Variants in NINJ2 observed in about 807,000 individuals in gnomAD.
The protein encoded by NINJ2 is ninjurin-2.
Under a neutral mutation model 11.7 loss-of-function variants are expected in NINJ2, and 12 were observed. That is an observed-to-expected ratio of 1.02 (90% CI 0.66 to 1.66). The LOEUF (loss-of-function observed/expected upper bound fraction) is 1.66, where lower values mean the gene tolerates loss of function less well. NINJ2 is among the 40% of genes most tolerant of loss of function. NINJ2 has a pLI of 0.00. For synonymous variants in NINJ2, 93 were observed against 76.8 expected, an observed-to-expected ratio of 1.21 and a Z score of -1.10; for missense variants, 187 against 181.8, an observed-to-expected ratio of 1.03 and a Z score of -0.16.
chr12:639,435 G>A (rs1473699316), intron 1 of NINJ2, among the ~76,000 whole-genome samples: 2 of 152,166 alleles, frequency 1.3e-5, no homozygotes, highest in Non-Finnish European at 2.9e-5. Flanking sequence ...AGCCTGGACA[G>A]TCTAGCTCAG....
chr12:574,814 A>G (rs1414543645), intron 1 of NINJ2, among the ~76,000 whole-genome samples: 1 of 152,268 alleles, frequency 6.6e-6, no homozygotes, highest in Non-Finnish European at 1.5e-5. Flanking sequence ...TGTTAAAACA[A>G]AAGTGAATTT....
chr12:608,335 A>G (rs11063848), intron 1 of NINJ2, among the ~76,000 whole-genome samples: 36,674 of 152,164 alleles, frequency 0.24, 4,615 homozygotes, highest in Middle Eastern at 0.34. Context: ...CCACCACTAC[A>G]GCAATAAAAG....
chr12:577,816 C>G (rs1160463911), intron 1 of NINJ2, among the ~76,000 whole-genome samples: 1 of 152,010 alleles, frequency 6.6e-6, no homozygotes, highest in Non-Finnish European at 1.5e-5. Context: ...CTCAGCCTCC[C>G]AAACTGTTGG....
intron 1 of NINJ2, among the ~76,000 whole-genome samples, chr12:607,598 G>A (rs1947957008): frequency 6.6e-6 from 1 of 152,202 alleles, no homozygotes; most frequent in Non-Finnish European, 1.5e-5. Flanking sequence ...CCCTTCTCAG[G>A]TGTGGCCATT....
chr12:608,748 G>C (rs1947973323), intron 1 of NINJ2, among the ~76,000 whole-genome samples: 1 of 152,188 alleles, frequency 6.6e-6, no homozygotes, highest in African/African-American at 2.4e-5. Flanking sequence ...TGCAAGAGCT[G>C]AGGTGTCAGA....
chr12:605,986 A>G (rs1232094174), intron 1 of NINJ2, among the ~76,000 whole-genome samples: 4 of 152,220 alleles, frequency 2.6e-5, no homozygotes, highest in Non-Finnish European at 4.4e-5. Flanking sequence ...ACATCTGCAG[A>G]GAAAAAAGAG....
intron 1 of NINJ2, chr12:645,804 C>G (rs1399707716): frequency 6.6e-6 from 1 of 152,238 alleles, no homozygotes; most frequent in African/African-American, 2.4e-5. Context: ...CGTTTTCCAG[C>G]CTCCCTCATA....
At chr12:645,635 T>C (rs1420512138) in intron 1 of NINJ2, 1 of 152,180 alleles carries the variant, frequency 6.6e-6, no homozygotes, top group Non-Finnish European at 1.5e-5. Context: ...TGCTTGCACT[T>C]CTGTCCATGC....
At chr12:613,232 G>A (rs544794077) in intron 1 of NINJ2, among the ~76,000 whole-genome samples, 31 of 152,236 alleles carry the variant, frequency 2.0e-4, no homozygotes, top group African/African-American at 6.5e-4. Context: ...GCATATCTGC[G>A]GCTCCTAAGA....
chr12:579,218 C>T (rs1238114652), intron 1 of NINJ2, among the ~76,000 whole-genome samples: 1 of 152,152 alleles, frequency 6.6e-6, no homozygotes, highest in Non-Finnish European at 1.5e-5. Flanking sequence ...CAGGTGAGAC[C>T]TCATGAAGTA....
intron 1 of NINJ2, among the ~76,000 whole-genome samples, chr12:655,732 G>A (rs1937864020): frequency 6.6e-6 from 1 of 151,914 alleles, no homozygotes; most frequent in Non-Finnish European, 1.5e-5. Context: ...GGTCAACATG[G>A]TGAAACCCTG....
chr12:572,544 A>G (rs2120800891), intron 1 of NINJ2, among the ~76,000 whole-genome samples: 1 of 152,368 alleles, frequency 6.6e-6, no homozygotes, highest in East Asian at 1.9e-4. Context: ...ATTCGGTATC[A>G]GTCCTCTTGT....
Position 611,283 on chromosome 12 carries a change from T to C in NINJ2, c.34-45105A>G, listed in dbSNP as rs866704034. 1.8e-3 allele frequency among the ~76,000 whole-genome samples: 278 copies of C among 150,310 alleles called. 2 individuals are homozygous for C. The highest frequency in any genetic ancestry group is 2.8e-3 in the Non-Finnish European group (188 of 67,582). On this transcript the variant is annotated intron_variant, in intron 1 of 3. Coordinates refer to ENST00000305108, the MANE Select transcript of NINJ2 (RefSeq NM_016533.6). The stretch of plus-strand genomic sequence containing the variant: ...TTTCTTTCTTTCTTTCTCTCTCTCT[T>C]TCTTTCTCTTCCTTCCTTCCTTTCT...
At chr12:575,345 G>T (rs1220854589) in intron 1 of NINJ2, among the ~76,000 whole-genome samples, 1 of 152,140 alleles carries the variant, frequency 6.6e-6, no homozygotes, top group African/African-American at 2.4e-5. Context: ...TGTGCCCTGT[G>T]CCAGGCTCTG....
chr12:644,404 T>TA (rs1937644499), intron 1 of NINJ2: 1 of 152,200 alleles, frequency 6.6e-6, no homozygotes, highest in African/African-American at 2.4e-5. Flanking sequence ...TCCTATGAAA[T>TA]ACTACTGCTA....
intron 1 of NINJ2, among the ~76,000 whole-genome samples, chr12:634,265 C>CTTTTTTTTTTTTTTTTTTTTTTTGTT (rs1948318233): frequency 1.7e-5 from 1 of 59,480 alleles, no homozygotes; most frequent in Non-Finnish European, 3.1e-5. Context: ...AGTTGCAGTT[C>CTTTTTTTTTTTTTTTTTTTTTTTGTT]TTTTTTTTTT....
In NINJ2 at chr12:640,681, G is replaced by C. The variant is rs1948406946; in HGVS notation, c.33+22647C>G. On this transcript the variant is annotated intron_variant, in intron 1 of 3. Coordinates refer to ENST00000305108, the MANE Select transcript of NINJ2 (RefSeq NM_016533.6). The surrounding 1 kb of genome is among the most constrained non-coding windows in gnomAD (Gnocchi z 4.0). Reference sequence around the variant, plus strand: ...GGCTAATATCTGTATTTTTAGTAGAGACCCTGTCTCTTCACTATGTCGTCC... The same window carrying C: ...GGCTAATATCTGTATTTTTAGTAGACACCCTGTCTCTTCACTATGTCGTCC... Among the ~76,000 whole-genome samples, 1 of 152,034 alleles carries C rather than the reference G, an allele frequency of 6.6e-6. No individual in the cohort carries two copies. Among genetic ancestry groups the C allele is most frequent in the African/African-American group, 2.4e-5 (1 of 41,386 alleles).
chr12:571,606 G>A lies in NINJ2; in HGVS notation c.34-5428C>T, dbSNP rs114172126. Among the ~76,000 whole-genome samples, 1,341 of 152,354 alleles carry A rather than the reference G, an allele frequency of 8.8e-3. 17 individuals carry two copies. Among genetic ancestry groups the A allele is most frequent in the African/African-American group, 0.03 (1,256 of 41,574 alleles). Reference sequence around the variant, plus strand: ...AAGTCCCAGCTCCTAAGGCTGGTGCGATTCCATCCCTTGAAGTCAAGGATT... The same window carrying A: ...AAGTCCCAGCTCCTAAGGCTGGTGCAATTCCATCCCTTGAAGTCAAGGATT... On this transcript the variant is annotated intron_variant, in intron 1 of 3. Coordinates refer to ENST00000305108, the MANE Select transcript of NINJ2 (RefSeq NM_016533.6).
At chr12:658,124 G>A (rs1275723036) in intron 1 of NINJ2, among the ~76,000 whole-genome samples, 9 of 149,580 alleles carry the variant, frequency 6.0e-5, no homozygotes, top group African/African-American at 1.2e-4. Context: ...TTAGCCTCCC[G>A]AGTAGCTGGG....
Sources: gnomAD v4.1 joint callset for allele counts (sites outside exome capture counted in the v4.1 genomes callset) on GRCh38, gnomAD v4.1.1 for gene constraint, Gnocchi (gnomAD v3.1) non-coding constraint, MANE v1.5 for transcripts, NCBI Gene and HGNC (gene_info 2026-07-23, HGNC 2026-07-21) for gene names.